CUL5: variants seen among roughly 807,000 people sequenced by gnomAD.
The protein encoded by CUL5 is cullin 5.
A neutral mutation model predicts 108.8 loss-of-function variants in CUL5; 26 were observed. The ratio of observed to expected loss-of-function variants is 0.24; its 90% CI spans 0.18 to 0.33. The LOEUF (loss-of-function observed/expected upper bound fraction) is 0.33, where lower values mean the gene tolerates loss of function less well. Among genes scored for constraint, CUL5 ranks in the 10% least tolerant of loss-of-function variants. The probability of loss-of-function intolerance (pLI) is 1.00; values close to 1 mark genes in which losing one functional copy is unlikely to be tolerated. For synonymous variants in CUL5, 334 were observed against 298.0 expected (o/e 1.12, Z -1.25); for missense variants, 524 against 909.2 (o/e 0.58, Z 5.45).
intron 7 of CUL5, among the ~76,000 whole-genome samples, chr11:108,059,798 C>T (rs746498405): frequency 4.0e-5 from 6 of 151,412 alleles, no homozygotes; most frequent in Admixed American, 2.0e-4. Flanking sequence ...GCAGGAGAAT[C>T]GCTTGAACCC....
rs916264876 is a variant in CUL5 at position 108,033,878 on chromosome 11, C to G, written c.101C>G (p.Ser34Cys). 1 of 1,612,680 alleles carries G rather than the reference C, an allele frequency of 6.2e-7. No individual in the cohort carries two copies. The highest frequency in any genetic ancestry group is 1.3e-5 in the African/African-American group (1 of 74,740). The change falls in exon 2 of 19, where the codon TCT becomes TGT. Residue 34 changes from serine (S) to cysteine (C), a missense_variant. This residue lies in a region of CUL5 where 76 missense variants were observed against 90.8 expected (regional missense o/e 0.84). Transcript: ENST00000393094. Reference protein sequence around the residue: ...PIVLKLLRQESVTKQQWFDLF... With the variant: ...PIVLKLLRQECVTKQQWFDLF... ...GTTTTGAAGCTTTTACGCCAGGAAT[C>G]TGTTACAAAACAGCAGTGGTTTGAT... is the stretch of plus-strand genomic sequence containing the variant.
Position 108,052,674 on chromosome 11 carries a change from A to G in CUL5, c.426A>G (p.Thr142=), listed in dbSNP as rs200744514. The change falls in exon 5 of 19, where the codon ACA becomes ACG. Residue 142 remains threonine, a synonymous_variant. Coordinates refer to ENST00000393094, the MANE Select transcript of CUL5 (RefSeq NM_003478.6). ...DSIVRKLMLD[T]WNESIFSNIK... is the part of the protein sequence containing the mutation. ...TGTTTTCCTAGCTTATGCTTGATAC[A>G]TGGAATGAGTCAATCTTTTCAAACA... is the stretch of plus-strand genomic sequence containing the variant. The G allele has an allele frequency of 4.0e-5, 65 of 1,609,826 alleles. No individual in the cohort carries two copies. In the Admixed American group the frequency reaches 7.9e-4, roughly 20 times the overall value.
chr11:108,011,522 GA>G (rs1337749053), intron 1 of CUL5, among the ~76,000 whole-genome samples: 1 of 151,548 alleles, frequency 6.6e-6, no homozygotes, highest in African/African-American at 2.4e-5. Flanking sequence ...ATAATATTTT[GA>G]AAAAAAGTAA....
intron 3 of CUL5, among the ~76,000 whole-genome samples, chr11:108,049,337 T>A (rs986785284): frequency 6.6e-6 from 1 of 152,266 alleles, no homozygotes; most frequent in East Asian, 1.9e-4. Context: ...TGGTTTCTTT[T>A]TTCATTTGTT....
At chr11:108,095,314 G>A (rs946659024) in intron 15 of CUL5, among the ~76,000 whole-genome samples, 3 of 152,116 alleles carry the variant, frequency 2.0e-5, no homozygotes, top group African/African-American at 4.8e-5. Flanking sequence ...ATTTGCATCC[G>A]CCAGTACTCA....
intron 2 of CUL5, among the ~76,000 whole-genome samples, chr11:108,042,103 G>A (rs1367082354): frequency 2.6e-5 from 4 of 152,066 alleles, no homozygotes; most frequent in Non-Finnish European, 4.4e-5. Context: ...GGGATAAAAG[G>A]GGGTTAGTTT....
rs1364762663 is a variant in CUL5, at chr11:108,089,231, G to A, written c.1312-261G>A. Among the ~76,000 whole-genome samples the A allele has an allele frequency of 2.0e-5, 3 of 151,898 alleles. 1 individual carries two copies. The highest frequency in any genetic ancestry group is 4.4e-5 in the Non-Finnish European group (3 of 68,030). ...GGGACATTGATTTTTTTCATGTAAA[G>A]TATATCGTTGCATTTTATACAAAAT... On this transcript the variant is annotated intron_variant, in intron 12 of 18. Coordinates refer to ENST00000393094, the MANE Select transcript of CUL5 (RefSeq NM_003478.6).
At chr11:108,061,578 A>G (rs1341281398) in intron 7 of CUL5, among the ~76,000 whole-genome samples, 3 of 152,126 alleles carry the variant, frequency 2.0e-5, no homozygotes, top group African/African-American at 7.2e-5. Flanking sequence ...TTATTTTGTC[A>G]TGCTTGTTTT....
At position 108,088,762 on chromosome 11, in the gene CUL5, T is replaced by C. The variant is rs963528773; in HGVS notation, c.1311+103T>C. 12 of 890,432 alleles carry C rather than the reference T, an allele frequency of 1.3e-5. No homozygotes were observed. The African/African-American group carries it at 1.9e-4, about 14-fold the overall frequency. 55.2% of individuals were successfully genotyped at this position (890,432 alleles called of 1,614,324 possible). A position where few individuals can be genotyped will look rare whatever the true frequency, so the allele number is the denominator to read the frequency against. ...ATAGTATCAATTTAAAAATGTATTA[T>C]CTGTAAAGAACTAATGTTACGAAGA... is the stretch of plus-strand genomic sequence containing the variant. On this transcript the variant is annotated intron_variant, in intron 12 of 18. Coordinates refer to ENST00000393094, the MANE Select transcript of CUL5 (RefSeq NM_003478.6).
chr11:108,010,633 A>G (rs573471101), intron 1 of CUL5, among the ~76,000 whole-genome samples: 2 of 152,370 alleles, frequency 1.3e-5, no homozygotes, highest in East Asian at 3.9e-4. Context: ...TAGTTAATAT[A>G]TCTATAATGC....
intron 18 of CUL5, among the ~76,000 whole-genome samples, chr11:108,100,019 G>A (rs1864612591): frequency 6.6e-6 from 1 of 151,198 alleles, no homozygotes; most frequent in Non-Finnish European, 1.5e-5. Flanking sequence ...ATAAAAGATT[G>A]GTTTTTCTGA....
chr11:108,052,822 A>T (rs765292447), intron 5 of CUL5, 21 bp downstream of exon 5: 43 of 1,582,908 alleles, frequency 2.7e-5, no homozygotes, highest in Non-Finnish European at 6.9e-6. Context: ...AACTTTTATG[A>T]TCATAATTTC....
At chr11:108,071,123 C>CT (rs1160275994) in intron 8 of CUL5, among the ~76,000 whole-genome samples, 1 of 152,134 alleles carries the variant, frequency 6.6e-6, no homozygotes, top group African/African-American at 2.4e-5. Flanking sequence ...ATTCTAATCT[C>CT]TAATATAGTT....
At chr11:108,011,022 G>A (rs1360582513) in intron 1 of CUL5, among the ~76,000 whole-genome samples, 2 of 152,126 alleles carry the variant, frequency 1.3e-5, no homozygotes, top group African/African-American at 2.4e-5. Context: ...AAGAAAATTT[G>A]TTTTATTTCT....
At chr11:108,094,785 T>A (rs748836294) in intron 14 of CUL5, 27 bp from the exon 15 acceptor site, 2 of 1,510,384 alleles carry the variant, frequency 1.3e-6, no homozygotes, top group South Asian at 2.5e-5. Flanking sequence ...TTAATTTACT[T>A]TATATTCCTG....
chr11:108,033,388 C>T (rs894855590), intron 1 of CUL5, among the ~76,000 whole-genome samples: 6 of 152,108 alleles, frequency 3.9e-5, no homozygotes, highest in African/African-American at 7.2e-5. Flanking sequence ...TTGTATTGTT[C>T]GTCTTCCCAG....
intron 1 of CUL5, among the ~76,000 whole-genome samples, chr11:108,013,568 A>G (rs1862108297): frequency 6.6e-6 from 1 of 152,112 alleles, no homozygotes; most frequent in African/African-American, 2.4e-5. Flanking sequence ...AGAGGTCGTC[A>G]TCTCCCTAAT....
chr11:108,039,453 A>G (rs1862835832), intron 2 of CUL5, among the ~76,000 whole-genome samples: 2 of 152,246 alleles, frequency 1.3e-5, no homozygotes, highest in Non-Finnish European at 2.9e-5. Context: ...CTAGGGGAAC[A>G]ATACCTTCCT....
chr11:108,098,221 TATC>T (rs1271254181), intron 17 of CUL5, among the ~76,000 whole-genome samples, 182 bp from the exon 18 acceptor site: 4 of 152,228 alleles, frequency 2.6e-5, no homozygotes, highest in Admixed American at 2.0e-4. Flanking sequence ...ACAGGTTAGT[TATC>T]ATGTTTAAGG....
Sources: allele counts gnomAD v4.1 joint callset (sites outside exome capture counted in the v4.1 genomes callset), GRCh38; gene constraint gnomAD v4.1.1; regional missense constraint gnomAD v4.1.1; transcripts MANE v1.5; gene names NCBI Gene and HGNC (gene_info 2026-07-23, HGNC 2026-07-21).